Variants in PIBF1 observed in about 807,000 individuals in gnomAD.
PIBF1 encodes the protein progesterone immunomodulatory binding factor 1.
A neutral mutation model predicts 112.5 loss-of-function variants in PIBF1; 90 were observed. The ratio of observed to expected loss-of-function variants is 0.80; its 90% confidence interval spans 0.67 to 0.95. The LOEUF (loss-of-function observed/expected upper bound fraction) is 0.95, where lower values mean the gene tolerates loss of function less well. Ranked by LOEUF, PIBF1 falls within the 40% of genes least tolerant of loss-of-function variation. PIBF1 has a pLI of 0.00. For synonymous variants in PIBF1, 301 were observed against 288.6 expected (o/e 1.04, Z -0.44); for missense variants, 915 against 852.3 (o/e 1.07, Z -0.92).
intron 16 of PIBF1, among the ~76,000 whole-genome samples, chr13:72,976,826 A>G (rs1257695574): frequency 2.0e-5 from 3 of 152,202 alleles, no homozygotes; most frequent in Non-Finnish European, 2.9e-5. Context: ...TGTCCTCATA[A>G]TAGTCAATAG....
chr13:72,841,354 G>A (rs2138240658), intron 9 of PIBF1, among the ~76,000 whole-genome samples: 1 of 152,314 alleles, frequency 6.6e-6, no homozygotes, highest in African/African-American at 2.4e-5. Flanking sequence ...GACATTCTGT[G>A]AGTGGGAGTA....
intron 5 of PIBF1, among the ~76,000 whole-genome samples, chr13:72,800,636 A>T (rs2137995980): frequency 6.6e-6 from 1 of 152,326 alleles, no homozygotes; most frequent in South Asian, 2.1e-4. Flanking sequence ...TGTATCCTGC[A>T]TTTACTATAT....
At chr13:72,999,090 T>C (rs2043775877) in intron 17 of PIBF1, 95 bp downstream of exon 17, 3 of 749,818 alleles carry the variant, frequency 4.0e-6, no homozygotes, top group South Asian at 2.0e-5. Context: ...ATGAAATGAG[T>C]AGATTCCACA....
At chr13:72,884,743 TATAAC>T (rs1392496060) in intron 10 of PIBF1, 2 of 152,116 alleles carry the variant, frequency 1.3e-5, no homozygotes, top group African/African-American at 4.8e-5. Flanking sequence ...AAAATATAAT[TATAAC>T]ATAATATGTG....
chr13:72,929,689 G>A (rs1293061967), intron 13 of PIBF1, among the ~76,000 whole-genome samples: 1 of 151,914 alleles, frequency 6.6e-6, no homozygotes, highest in African/African-American at 2.4e-5. Flanking sequence ...AAAAAAAGTG[G>A]TTGTCAAAAA....
At chr13:72,834,412 G>T (rs541685308) in intron 8 of PIBF1, among the ~76,000 whole-genome samples, 5 of 152,044 alleles carry the variant, frequency 3.3e-5, no homozygotes, top group African/African-American at 1.2e-4. Context: ...ATTGCTTGAG[G>T]CCAGAAGTTT....
In PIBF1 at chr13:72,872,097, C is replaced by T. The variant is rs188711812; in HGVS notation, c.1322+17942C>T. 7.7e-4 allele frequency among the ~76,000 whole-genome samples: 117 copies of T among 152,234 alleles called. No individual in the cohort carries two copies. In the Middle Eastern group the frequency reaches 0.01, roughly 13 times the overall value. ...GCATGACTTCAGGGAAGTTACTTAA[C>T]CTCTATGTCTCAGTTTCCTCATGTA... is the stretch of plus-strand genomic sequence containing the variant. On this transcript the variant is annotated intron_variant, in intron 10 of 17. Transcript: ENST00000326291.
intron 6 of PIBF1, among the ~76,000 whole-genome samples, chr13:72,824,055 C>G (rs2036686195): frequency 1.3e-5 from 2 of 152,068 alleles, no homozygotes; most frequent in South Asian, 4.1e-4. Context: ...ACTTTGTCAC[C>G]CAGGCTGGAG....
At chr13:72,857,763 C>T (rs2038494348) in intron 10 of PIBF1, among the ~76,000 whole-genome samples, 1 of 152,140 alleles carries the variant, frequency 6.6e-6, no homozygotes, top group East Asian at 1.9e-4. Context: ...TCGCTTGAAC[C>T]TGGGAGGCAG....
At chr13:72,867,319 A>G (rs546958174) in intron 10 of PIBF1, among the ~76,000 whole-genome samples, 1 of 152,332 alleles carries the variant, frequency 6.6e-6, no homozygotes, top group East Asian at 1.9e-4. Flanking sequence ...CTGTAAGTCC[A>G]TTAAACCTCT....
At chr13:72,823,779 C>G (rs2036674121) in intron 6 of PIBF1, among the ~76,000 whole-genome samples, 1 of 152,122 alleles carries the variant, frequency 6.6e-6, no homozygotes, top group African/African-American at 2.4e-5. Context: ...TCCTTATTTT[C>G]TGGCATAACA....
At chr13:72,823,668 A>G (rs1219003102) in intron 6 of PIBF1, among the ~76,000 whole-genome samples, 1 of 152,256 alleles carries the variant, frequency 6.6e-6, no homozygotes, top group Admixed American at 6.5e-5. Flanking sequence ...TTTCAGTAGC[A>G]GAATGGAAAA....
intron 17 of PIBF1, among the ~76,000 whole-genome samples, chr13:73,006,333 G>C (rs993781011): frequency 9.9e-5 from 15 of 152,052 alleles, no homozygotes; most frequent in Non-Finnish European, 2.2e-4. Flanking sequence ...AATTTCTAGT[G>C]TCAGGAACAC....
At chr13:72,790,421 TCA>T (rs57599910) in intron 2 of PIBF1, among the ~76,000 whole-genome samples, 2,142 of 135,602 alleles carry the variant, frequency 0.016, 20 homozygotes, top group Middle Eastern at 0.036. Context: ...GAGGAGTCCA[TCA>T]CACACACACA....
intron 14 of PIBF1, among the ~76,000 whole-genome samples, chr13:72,943,015 A>G (rs983259208): frequency 4.6e-5 from 7 of 152,164 alleles, no homozygotes; most frequent in African/African-American, 1.4e-4. Flanking sequence ...AAAGAAAAAT[A>G]TCGTTTAGTA....
rs879572541 is a variant in PIBF1, at chr13:72,790,554, GATAGA to G, written c.253-1892_253-1888del. 5.8e-3 allele frequency among the ~76,000 whole-genome samples: 761 copies of G among 130,904 alleles called. 11 individuals are homozygous for G. Among genetic ancestry groups the G allele is most frequent in the African/African-American group, 0.019 (736 of 37,862 alleles). 85.9% of individuals were successfully genotyped at this position (130,904 alleles called of 152,430 possible). A position where few individuals can be genotyped will look rare whatever the true frequency, so the allele number is the denominator to read the frequency against. ...AGATAGATAGATAGATAGATAGATA[GATAGA>G]TAGATAAATCAGCATATAGGTGGCA... is the stretch of plus-strand genomic sequence containing the variant. On this transcript the variant is annotated intron_variant, in intron 2 of 17. Transcript: ENST00000326291.
At chr13:72,857,097 C>G (rs561705280) in intron 10 of PIBF1, among the ~76,000 whole-genome samples, 9 of 151,888 alleles carry the variant, frequency 5.9e-5, no homozygotes, top group Admixed American at 5.2e-4. Flanking sequence ...TTTTTGAAAC[C>G]AGACAAATAA....
chr13:72,817,324 A>G (rs181079011), intron 5 of PIBF1, among the ~76,000 whole-genome samples: 2 of 152,332 alleles, frequency 1.3e-5, no homozygotes, highest in Admixed American at 1.3e-4. Flanking sequence ...CCTTTTATTG[A>G]GAACAGAAAT....
chr13:72,899,647 A>G (rs150257052), intron 11 of PIBF1, among the ~76,000 whole-genome samples: 11 of 152,304 alleles, frequency 7.2e-5, no homozygotes, highest in African/African-American at 2.6e-4. Flanking sequence ...CAGCCAACAT[A>G]ATACTGAATG....
Sources: allele counts gnomAD v4.1 joint callset (sites outside exome capture counted in the v4.1 genomes callset), GRCh38; gene constraint gnomAD v4.1.1; transcripts MANE v1.5; gene names NCBI Gene and HGNC (gene_info 2026-07-23, HGNC 2026-07-21).